Variants in OTUD7A observed in about 807,000 individuals in gnomAD.
OTUD7A encodes the protein OTU deubiquitinase 7A.
A neutral mutation model predicts 65.7 loss-of-function variants in OTUD7A; 12 were observed. That is an observed-to-expected ratio of 0.18 (90% confidence interval 0.12 to 0.30). The LOEUF is 0.30. Among genes scored for constraint, OTUD7A ranks in the 10% least tolerant of loss-of-function variants. The pLI is 1.00. For synonymous variants in OTUD7A, 641 were observed against 586.3 expected (o/e 1.09, Z -1.35); for missense variants, 1,148 against 1,304.8 (o/e 0.88, Z 1.85).
chr15:31,789,976 C>G (rs1028347841), intron 1 of OTUD7A, among the ~76,000 whole-genome samples: 1 of 152,144 alleles, frequency 6.6e-6, no homozygotes, highest in African/African-American at 2.4e-5. Context: ...GGTGCCAGAG[C>G]GGGGAGACTG....
intron 1 of OTUD7A, among the ~76,000 whole-genome samples, chr15:31,857,307 A>G (rs957242905): frequency 6.6e-6 from 1 of 152,188 alleles, no homozygotes; most frequent in African/African-American, 2.4e-5. Flanking sequence ...ATACAGGGAC[A>G]CTGGAGCTGG....
At chr15:31,833,999 G>C (rs1200164479) in intron 1 of OTUD7A, among the ~76,000 whole-genome samples, 4 of 152,184 alleles carry the variant, frequency 2.6e-5, no homozygotes, top group Non-Finnish European at 2.9e-5. Flanking sequence ...GGCCGTGGAG[G>C]GCCTTCAGTT....
At chr15:31,613,943 G>T (rs1890506523) in intron 3 of OTUD7A, among the ~76,000 whole-genome samples, 1 of 152,032 alleles carries the variant, frequency 6.6e-6, no homozygotes, top group South Asian at 2.1e-4. Flanking sequence ...ATATATATAT[G>T]TATACACAAT....
chr15:31,848,460 A>C (rs1009655116), intron 1 of OTUD7A, among the ~76,000 whole-genome samples: 1 of 152,052 alleles, frequency 6.6e-6, no homozygotes, highest in Admixed American at 6.5e-5. Flanking sequence ...TTAAAAAAAA[A>C]CAGTTTTCTC....
chr15:31,865,929 T>C (rs1461394468), intron 1 of OTUD7A, among the ~76,000 whole-genome samples: 1 of 152,216 alleles, frequency 6.6e-6, no homozygotes, highest in Admixed American at 6.5e-5. Context: ...TGTGTATTCA[T>C]TCAGACATCA....
intron 1 of OTUD7A, among the ~76,000 whole-genome samples, chr15:31,682,099 ATG>A (rs1279444641): frequency 1.3e-5 from 2 of 152,172 alleles, no homozygotes; most frequent in Non-Finnish European, 2.9e-5. Context: ...GCTGAGCTCC[ATG>A]TAATTGGGGA....
At position 31,790,980 on chromosome 15, in the gene OTUD7A, C is replaced by A. The variant is rs574769184; in HGVS notation, c.-100+79527G>T. On this transcript the variant is annotated intron_variant, in intron 1 of 12. Coordinates refer to ENST00000307050, the MANE Select transcript of OTUD7A (RefSeq NM_001382637.1). ...AAATAGTGGACTGGGAGGTGCAAGTCTTGAGTTTTAGTCCTGACCTACAAC... is the reference window on the plus strand; with the variant it reads ...AAATAGTGGACTGGGAGGTGCAAGTATTGAGTTTTAGTCCTGACCTACAAC... 1.1e-3 allele frequency among the ~76,000 whole-genome samples: 170 copies of A among 152,224 alleles called. 1 individual carries two copies. Among genetic ancestry groups the A allele is most frequent in the African/African-American group, 3.9e-3 (163 of 41,530 alleles).
chr15:31,776,670 T>G (rs1252384478), intron 1 of OTUD7A, among the ~76,000 whole-genome samples: 1 of 152,150 alleles, frequency 6.6e-6, no homozygotes, highest in Non-Finnish European at 1.5e-5. Flanking sequence ...AGGAAAACAA[T>G]GCATGCCTGT....
chr15:31,830,365 G>C (rs796115733), intron 1 of OTUD7A, among the ~76,000 whole-genome samples: 1 of 152,182 alleles, frequency 6.6e-6, no homozygotes, highest in Non-Finnish European at 1.5e-5. Flanking sequence ...AGAGAGAAAG[G>C]TCAAGACAGC....
intron 1 of OTUD7A, among the ~76,000 whole-genome samples, chr15:31,833,298 A>C (rs1048405523): frequency 2.0e-5 from 3 of 152,218 alleles, no homozygotes; most frequent in African/African-American, 7.2e-5. Context: ...TGCCCAACTC[A>C]AGTGATCTCC....
At chr15:31,755,774 A>G (rs1894795867) in intron 1 of OTUD7A, among the ~76,000 whole-genome samples, 1 of 152,082 alleles carries the variant, frequency 6.6e-6, no homozygotes, top group South Asian at 2.1e-4. Flanking sequence ...TCAAGTAAGA[A>G]TGGTGTTTTC....
At chr15:31,848,946 G>C (rs1595812796) in intron 1 of OTUD7A, among the ~76,000 whole-genome samples, 1 of 152,218 alleles carries the variant, frequency 6.6e-6, no homozygotes, top group South Asian at 2.1e-4. Flanking sequence ...GCAGTTGCTT[G>C]TCTGTAAGGA....
intron 3 of OTUD7A, among the ~76,000 whole-genome samples, chr15:31,618,746 G>A (rs1157333306): frequency 6.6e-6 from 1 of 152,194 alleles, no homozygotes; most frequent in African/African-American, 2.4e-5. Context: ...TCTGATGGTA[G>A]TTTCTTTTGC....
At chr15:31,548,284 C>A (rs1888202927) in intron 5 of OTUD7A, among the ~76,000 whole-genome samples, 1 of 150,854 alleles carries the variant, frequency 6.6e-6, no homozygotes, top group Admixed American at 6.6e-5. Context: ...AGCAACGTGT[C>A]CCTCTAGAAT....
At chr15:31,731,734 C>T (rs1230416571) in intron 1 of OTUD7A, among the ~76,000 whole-genome samples, 2 of 152,116 alleles carry the variant, frequency 1.3e-5, no homozygotes, top group Non-Finnish European at 1.5e-5. Flanking sequence ...GTAGGTTCAT[C>T]AGTTGTAACA....
intron 1 of OTUD7A, among the ~76,000 whole-genome samples, chr15:31,832,644 C>T (rs1273370012): frequency 1.3e-5 from 2 of 152,172 alleles, no homozygotes; most frequent in African/African-American, 4.8e-5. Context: ...ATTGTACTTT[C>T]TGTCTCTATG....
chr15:31,815,251 A>T (rs1312369668), intron 1 of OTUD7A, among the ~76,000 whole-genome samples: 1 of 146,318 alleles, frequency 6.8e-6, no homozygotes, highest in Non-Finnish European at 1.5e-5. Flanking sequence ...AATTACATAC[A>T]GACCTCTGAT....
In OTUD7A at chr15:31,559,090, G is replaced by T; in HGVS notation, c.429C>A (p.Pro143=). The change falls in exon 5 of 13, where the codon CCC becomes CCA. Residue 143 remains proline, a synonymous_variant. Coordinates refer to ENST00000307050, the MANE Select transcript of OTUD7A (RefSeq NM_001382637.1). ...GGAATGTGTAGATTGGCATCTCCAG[G>T]GGGAACTGCTCGTTGTTGCATTCAC... ...VASECNNEQF[P]LEMPIYTFQL... The T allele has an allele frequency of 6.2e-7, 1 of 1,613,368 alleles. No homozygotes were observed. Among genetic ancestry groups the T allele is most frequent in the Non-Finnish European group, 8.5e-7 (1 of 1,179,774 alleles).
At chr15:31,698,457 A>G (rs2654086) in intron 1 of OTUD7A, among the ~76,000 whole-genome samples, 3 of 151,804 alleles carry the variant, frequency 2.0e-5, no homozygotes, top group East Asian at 3.9e-4. Context: ...CTGGCCCACA[A>G]CATCAGCATT....
Sources: gnomAD v4.1 joint callset for allele counts (sites outside exome capture counted in the v4.1 genomes callset) on GRCh38, gnomAD v4.1.1 for gene constraint, MANE v1.5 for transcripts, NCBI Gene and HGNC (gene_info 2026-07-23, HGNC 2026-07-21) for gene names.